The following DHX36 variants were observed in gnomAD, a reference collection of about 807,000 sequenced individuals.
The protein encoded by DHX36 is DEAH-box helicase 36, also known as ATP-dependent DNA/RNA helicase DHX36.
A neutral mutation model predicts 139.0 loss-of-function variants in DHX36; 50 were observed. That is an observed-to-expected ratio of 0.36 (90% CI 0.29 to 0.46). The LOEUF is 0.46. Ranked by LOEUF, DHX36 falls within the 20% of genes least tolerant of loss-of-function variation. DHX36 has a pLI of 1.00. For missense variants in DHX36, 1,024 were observed against 1,211.3 expected, an observed-to-expected ratio of 0.85 and a Z score of 2.29; for synonymous variants, 425 against 401.9, an observed-to-expected ratio of 1.06 and a Z score of -0.69.
intron 17 of DHX36, 100 bp downstream of exon 17, chr3:154,288,766 T>C (rs1210312089): frequency 9.1e-6 from 5 of 550,926 alleles, no homozygotes; most frequent in Non-Finnish European, 1.5e-5. Flanking sequence ...TTGGACATTA[T>C]TGGTCTACTT....
intron 5 of DHX36, among the ~76,000 whole-genome samples, chr3:154,307,797 CAA>C (rs34088732): frequency 7.1e-6 from 1 of 140,270 alleles, no homozygotes; most frequent in African/African-American, 2.6e-5. Context: ...ATCAATGTGT[CAA>C]AAAAAAAAAA....
At chr3:154,319,216 A>G (rs939724118) in intron 1 of DHX36, 3 of 151,822 alleles carry the variant, frequency 2.0e-5, no homozygotes, top group South Asian at 2.1e-4. Flanking sequence ...TTTCATGACT[A>G]TTTTCTTTTA....
chr3:154,279,049 C>G (rs1269741361), intron 22 of DHX36: 1 of 152,206 alleles, frequency 6.6e-6, no homozygotes, highest in Non-Finnish European at 1.5e-5. Context: ...GTGATCTTGA[C>G]TCACTGCAAC....
chr3:154,283,491 ACAATT>A (rs1397209159), intron 19 of DHX36, among the ~76,000 whole-genome samples: 1 of 152,146 alleles, frequency 6.6e-6, no homozygotes, highest in Non-Finnish European at 1.5e-5. Context: ...AGACCTTTAT[ACAATT>A]AAGTATATAG....
At position 154,275,563 on chromosome 3, in the gene DHX36, T is replaced by C. The variant is rs182877702; in HGVS notation, c.*608A>G. On this transcript the variant is annotated 3_prime_UTR_variant, in exon 25 of 25. Transcript: ENST00000496811. ...GACCGTGCTCTCAATTGCTGTATTA[T>C]GAGGCACAGGGTGATATAAAAAGGG... The C allele has an allele frequency of 6.6e-6, 1 of 152,640 alleles. No homozygotes were observed. Among genetic ancestry groups the C allele is most frequent in the Non-Finnish European group, 1.5e-5 (1 of 68,060 alleles). The allele number at this position is 152,640 out of a possible 1,614,324, so 9.5% of individuals were successfully genotyped here.
intron 1 of DHX36, among the ~76,000 whole-genome samples, chr3:154,320,054 CA>C (rs1439347589): frequency 6.6e-6 from 1 of 152,184 alleles, no homozygotes; most frequent in Non-Finnish European, 1.5e-5. Context: ...TTAAGATCAT[CA>C]ACGACCTTGT....
intron 22 of DHX36, 171 bp downstream of exon 22, chr3:154,280,408 A>C: frequency 1.8e-6 from 1 of 569,888 alleles, no homozygotes. Context: ...TTGTGAGGGA[A>C]AGTGATACCA....
At chr3:154,291,305 G>A (rs559992852) in intron 15 of DHX36, among the ~76,000 whole-genome samples, 16 of 152,220 alleles carry the variant, frequency 1.1e-4, no homozygotes, top group East Asian at 3.9e-4. Context: ...TTAACCTACC[G>A]CACAGGAGTG....
chr3:154,311,589 G>A lies in DHX36; in HGVS notation c.642+47C>T, dbSNP rs765886347. 7 of 1,505,574 alleles carry A rather than the reference G, an allele frequency of 4.6e-6. No homozygotes were observed. In the East Asian group the frequency reaches 1.2e-4, roughly 25 times the overall value. 93.3% of individuals were successfully genotyped at this position (1,505,574 alleles called of 1,614,324 possible). A position where few individuals can be genotyped will look rare whatever the true frequency, so the allele number is the denominator to read the frequency against. ...GATATAGAGCTTTAAAAAAAATTGT[G>A]TATTTAATTTGCAAATCAAATTAAA... On this transcript the variant is annotated intron_variant, in intron 4 of 24. Transcript: ENST00000496811.
chr3:154,309,973 A>G (rs992761833), intron 4 of DHX36, 150 bp from the exon 5 acceptor site: 2 of 593,770 alleles, frequency 3.4e-6, no homozygotes, highest in African/African-American at 1.9e-5. Flanking sequence ...GGCAGTTTGG[A>G]TATCTGGATC....
intron 12 of DHX36, 82 bp downstream of exon 12, chr3:154,299,756 T>C (rs761742383): frequency 7.8e-6 from 8 of 1,030,574 alleles, no homozygotes; most frequent in Admixed American, 1.7e-5. Context: ...GCAACACTTC[T>C]TTGAATAAAA....
At chr3:154,295,477 C>T (rs1396816653) in intron 12 of DHX36, 138 bp from the exon 13 acceptor site, 9 of 431,234 alleles carry the variant, frequency 2.1e-5, no homozygotes. Flanking sequence ...TTAATGAAAA[C>T]AGCTAAACCA....
At chr3:154,297,509 A>C (rs1712089875) in intron 12 of DHX36, among the ~76,000 whole-genome samples, 1 of 152,120 alleles carries the variant, frequency 6.6e-6, no homozygotes, top group Admixed American at 6.5e-5. Flanking sequence ...TCAGGAGTTC[A>C]AGACCAACCT....
At chr3:154,292,180 T>C (rs1226827230) in intron 15 of DHX36, among the ~76,000 whole-genome samples, 1 of 152,202 alleles carries the variant, frequency 6.6e-6, no homozygotes, top group Non-Finnish European at 1.5e-5. Context: ...CATAGTACTG[T>C]AGTGAGGATT....
chr3:154,295,346 A>AT lies in DHX36; in HGVS notation c.1550-8dup. 7.1e-7 allele frequency: 1 copy of AT among 1,413,682 alleles called. No individual in the cohort carries two copies. 87.6% of individuals were successfully genotyped at this position (1,413,682 alleles called of 1,614,324 possible). A position where few individuals can be genotyped will look rare whatever the true frequency, so the allele number is the denominator to read the frequency against. On this transcript the variant is annotated splice_polypyrimidine_tract_variant and splice_region_variant and intron_variant, in intron 12 of 24. Transcript: ENST00000496811. ...GGTATAATTAAAAATTTATCTGAAA[A>AT]TTAAAGAGAATTAAATTTTAAGATA...
chr3:154,302,087 A>G (rs941357694), intron 9 of DHX36, among the ~76,000 whole-genome samples: 2 of 151,846 alleles, frequency 1.3e-5, no homozygotes, highest in African/African-American at 2.4e-5. Flanking sequence ...AAAAAAAAAA[A>G]GTGATAAAGC....
chr3:154,299,849 A>G lies in DHX36; in HGVS notation c.1538T>C (p.Met513Thr). Reference sequence around the variant, plus strand: ...CATTTACATAGTACCTGATTTAAACATTACTTGTGACATCAAGAGATCATG... The same window carrying G: ...CATTTACATAGTACCTGATTTAAACGTTACTTGTGACATCAAGAGATCATG... The part of the protein sequence containing the change: ...TLHDLLMSQV[M>T]FKSDKFLIIP... Residue 513 changes from methionine to threonine, a missense_variant, in exon 12 of 25, where the codon ATG (methionine) becomes ACG (threonine). This residue lies in a region of DHX36 where 470 missense variants were observed against 616.2 expected (regional missense o/e 0.76). Coordinates refer to ENST00000496811, the MANE Select transcript of DHX36 (RefSeq NM_020865.3). 6.2e-7 allele frequency: 1 copy of G among 1,610,212 alleles called. No individual in the cohort carries two copies. Among genetic ancestry groups the G allele is most frequent in the Non-Finnish European group, 8.5e-7 (1 of 1,176,482 alleles).
intron 12 of DHX36, among the ~76,000 whole-genome samples, chr3:154,296,970 A>T (rs1400395564): frequency 6.6e-6 from 1 of 152,250 alleles, no homozygotes; most frequent in Non-Finnish European, 1.5e-5. Context: ...AAGCTTTCAG[A>T]TATAACTTTC....
In DHX36 at chr3:154,293,729, T is replaced by A; in HGVS notation, c.1670+19A>T. 2 of 1,582,016 alleles carry A rather than the reference T, an allele frequency of 1.3e-6. No homozygotes were observed. Among genetic ancestry groups the A allele is most frequent in the Non-Finnish European group, 1.7e-6 (2 of 1,151,314 alleles). ...AACTTATGTAATCATCAGTATTTGA[T>A]ATTTAAAACTATTTTTACCTAGTCT... On this transcript the variant is annotated intron_variant, in intron 14 of 24. Transcript: ENST00000496811.
Sources: gnomAD v4.1 joint callset for allele counts (sites outside exome capture counted in the v4.1 genomes callset) on GRCh38, gnomAD v4.1.1 for gene constraint, gnomAD v4.1.1 regional missense constraint, MANE v1.5 for transcripts, NCBI Gene and HGNC (gene_info 2026-07-23, HGNC 2026-07-21) for gene names.